The following ADAMTSL1 variants were observed in gnomAD, a reference collection of about 807,000 sequenced individuals.
The protein encoded by ADAMTSL1 is ADAMTS-like protein 1.
A neutral mutation model predicts 201.8 loss-of-function variants in ADAMTSL1; 126 were observed. That is an observed-to-expected ratio of 0.62 (90% CI 0.54 to 0.72). The LOEUF is 0.72. Among genes scored for constraint, ADAMTSL1 ranks in the 30% least tolerant of loss-of-function variants. ADAMTSL1 has a pLI of 0.00. For synonymous variants in ADAMTSL1, 1,121 were observed against 903.4 expected (o/e 1.24, Z -4.32); for missense variants, 2,679 against 2,277.8 (o/e 1.18, Z -3.59).
intron 2 of ADAMTSL1, among the ~76,000 whole-genome samples, chr9:18,325,066 A>G (rs920567218): frequency 1.3e-5 from 2 of 152,188 alleles, no homozygotes; most frequent in African/African-American, 4.8e-5. Context: ...AGTAGAATGG[A>G]TATAATTAGA....
At chr9:18,348,617 A>G (rs1835827915) in intron 2 of ADAMTSL1, among the ~76,000 whole-genome samples, 1 of 152,202 alleles carries the variant, frequency 6.6e-6, no homozygotes, top group Non-Finnish European at 1.5e-5. Context: ...AAGATCTGGA[A>G]GTAGTATCAG....
At chr9:18,304,391 G>C (rs540724792) in intron 2 of ADAMTSL1, among the ~76,000 whole-genome samples, 1 of 151,668 alleles carries the variant, frequency 6.6e-6, no homozygotes, top group Non-Finnish European at 1.5e-5. Flanking sequence ...CCTGGGTGTC[G>C]GAAATGTTTA....
At chr9:18,139,382 G>A (rs1826299703) in intron 1 of ADAMTSL1, among the ~76,000 whole-genome samples, 1 of 152,116 alleles carries the variant, frequency 6.6e-6, no homozygotes, top group Admixed American at 6.6e-5. Flanking sequence ...AGATTTAACA[G>A]CAACAAGAGT....
At chr9:18,664,732 C>G (rs1290447074) in intron 9 of ADAMTSL1, among the ~76,000 whole-genome samples, 3 of 151,988 alleles carry the variant, frequency 2.0e-5, no homozygotes, top group African/African-American at 7.2e-5. Context: ...TCATTGACAG[C>G]AAAAACCGCA....
chr9:18,897,891 T>G (rs768222289), intron 26 of ADAMTSL1, among the ~76,000 whole-genome samples: 1 of 152,070 alleles, frequency 6.6e-6, no homozygotes, highest in Non-Finnish European at 1.5e-5. Context: ...AGACGGTGGA[T>G]AGTAGGCTGG....
intron 1 of ADAMTSL1, among the ~76,000 whole-genome samples, chr9:18,492,308 A>G (rs1822307484): frequency 6.6e-6 from 1 of 152,340 alleles, no homozygotes; most frequent in African/African-American, 2.4e-5. Context: ...GCTGACTTTT[A>G]TCTCAGCATT....
chr9:18,606,480 A>T (rs541950457), intron 4 of ADAMTSL1, among the ~76,000 whole-genome samples: 1 of 152,224 alleles, frequency 6.6e-6, no homozygotes, highest in Non-Finnish European at 1.5e-5. Context: ...GAGCGCTCGC[A>T]TGAGTAGCTG....
intron 2 of ADAMTSL1, among the ~76,000 whole-genome samples, chr9:18,169,636 A>G (rs1015654310): frequency 3.3e-5 from 5 of 152,156 alleles, no homozygotes; most frequent in African/African-American, 1.2e-4. Flanking sequence ...TATGAAGCTT[A>G]AAGTAGTTTT....
intron 2 of ADAMTSL1, among the ~76,000 whole-genome samples, chr9:18,397,651 T>A (rs1817808693): frequency 6.6e-6 from 1 of 152,184 alleles, no homozygotes; most frequent in Admixed American, 6.5e-5. Flanking sequence ...TTCATGAAAG[T>A]GATTGTAAAT....
At chr9:17,920,862 AACTATTT>A (rs2131292146) in intron 1 of ADAMTSL1, among the ~76,000 whole-genome samples, 1 of 152,340 alleles carries the variant, frequency 6.6e-6, no homozygotes, top group East Asian at 1.9e-4. Context: ...TGTTCCAATA[AACTATTT>A]ACAAAACCAG....
intron 2 of ADAMTSL1, among the ~76,000 whole-genome samples, chr9:18,447,742 C>G (rs571702917): frequency 1.3e-5 from 2 of 152,172 alleles, no homozygotes; most frequent in Non-Finnish European, 2.9e-5. Flanking sequence ...AAATAGAGTA[C>G]CTTCCTCCGG....
chr9:18,511,098 A>T (rs549997185), intron 2 of ADAMTSL1, among the ~76,000 whole-genome samples: 1 of 152,120 alleles, frequency 6.6e-6, no homozygotes, highest in Non-Finnish European at 1.5e-5. Flanking sequence ...GGCTCAAAGG[A>T]GGAAACTACC....
At chr9:17,926,440 T>C (rs1476716475) in intron 1 of ADAMTSL1, among the ~76,000 whole-genome samples, 3 of 151,284 alleles carry the variant, frequency 2.0e-5, no homozygotes, top group Admixed American at 6.6e-5. Context: ...CTTGGCTCAC[T>C]GGGCGTACTC....
intron 2 of ADAMTSL1, among the ~76,000 whole-genome samples, chr9:18,314,545 C>A (rs1029594971): frequency 6.7e-6 from 1 of 150,324 alleles, no homozygotes; most frequent in Non-Finnish European, 1.5e-5. Flanking sequence ...TCCTTCCTCC[C>A]GTCCGCAGTT....
chr9:18,039,441 A>G (rs1821344019), intron 1 of ADAMTSL1, among the ~76,000 whole-genome samples: 1 of 152,174 alleles, frequency 6.6e-6, no homozygotes, highest in Non-Finnish European at 1.5e-5. Flanking sequence ...ATAAGTCAAC[A>G]GTGTCTTTCA....
At chr9:18,462,034 GA>G (rs1343799611) in intron 2 of ADAMTSL1, among the ~76,000 whole-genome samples, 2 of 151,732 alleles carry the variant, frequency 1.3e-5, no homozygotes, top group African/African-American at 2.4e-5. Flanking sequence ...GCTTTTGGTT[GA>G]AAAAAAATCT....
chr9:18,862,868 A>T (rs1206534755), intron 23 of ADAMTSL1, among the ~76,000 whole-genome samples: 2 of 152,206 alleles, frequency 1.3e-5, no homozygotes, highest in African/African-American at 2.4e-5. Flanking sequence ...CAGAAAGTTG[A>T]AACTTTAAAA....
At chr9:18,191,097 C>T (rs1828950324) in intron 2 of ADAMTSL1, among the ~76,000 whole-genome samples, 1 of 152,168 alleles carries the variant, frequency 6.6e-6, no homozygotes, top group Non-Finnish European at 1.5e-5. Context: ...TCATATATTT[C>T]TGCTGGCAGG....
chr9:18,068,408 C>T (rs967679627), intron 1 of ADAMTSL1, among the ~76,000 whole-genome samples: 10 of 152,104 alleles, frequency 6.6e-5, no homozygotes, highest in African/African-American at 2.4e-4. Context: ...AAGTAATCTA[C>T]AGATCATTTA....
Sources: allele counts gnomAD v4.1 joint callset (sites outside exome capture counted in the v4.1 genomes callset), GRCh38; gene constraint gnomAD v4.1.1; transcripts MANE v1.5; gene names NCBI Gene and HGNC (gene_info 2026-07-23, HGNC 2026-07-21).